Variants in SIK2 observed in about 807,000 individuals in gnomAD.
SIK2 encodes serine/threonine-protein kinase SIK2.
SIK2 carries 29 observed loss-of-function variants against 103.2 expected under a neutral mutation model. That is an observed-to-expected ratio of 0.28 (90% confidence interval 0.21 to 0.38). The LOEUF (loss-of-function observed/expected upper bound fraction) is 0.38, where lower values mean the gene tolerates loss of function less well. SIK2 is among the 10% of genes least tolerant of loss of function. The pLI is 1.00. For missense variants in SIK2, 879 were observed against 1,171.0 expected, an observed-to-expected ratio of 0.75 and a Z score of 3.64; for synonymous variants, 412 against 446.1, an observed-to-expected ratio of 0.92 and a Z score of 0.96.
In SIK2 at chr11:111,730,474, T is replaced by C. The variant is rs1402390825; in HGVS notation, c.*6345T>C. 1 of 152,252 alleles carries C rather than the reference T, an allele frequency of 6.6e-6. No individual in the cohort carries two copies. The highest frequency in any genetic ancestry group is 1.5e-5 in the Non-Finnish European group (1 of 68,046). 9.4% of individuals were successfully genotyped at this position (152,252 alleles called of 1,614,324 possible). ...GGGATACAGAGATATCTGCACTTTG[T>C]AGAAAGGGCAAGATTATTTGCTTAT... On this transcript the variant is annotated 3_prime_UTR_variant, in exon 15 of 15. Coordinates refer to ENST00000304987, the MANE Select transcript of SIK2 (RefSeq NM_015191.3).
intron 2 of SIK2, among the ~76,000 whole-genome samples, chr11:111,616,710 G>C (rs574585125): frequency 6.6e-6 from 1 of 152,038 alleles, no homozygotes; most frequent in Non-Finnish European, 1.5e-5. Flanking sequence ...GCCTGGTGTG[G>C]TGGTGCACAT....
At chr11:111,607,055 A>T (rs947702951) in intron 1 of SIK2, among the ~76,000 whole-genome samples, 2 of 152,176 alleles carry the variant, frequency 1.3e-5, no homozygotes, top group Non-Finnish European at 2.9e-5. Context: ...TTTCTATAAT[A>T]GATAACTTGA....
intron 8 of SIK2, among the ~76,000 whole-genome samples, chr11:111,710,918 A>G (rs1195470501): frequency 6.6e-6 from 1 of 152,226 alleles, no homozygotes; most frequent in African/African-American, 2.4e-5. Flanking sequence ...ATAGCCGGAA[A>G]AATACAGGCT....
chr11:111,615,412 T>G (rs1784788), intron 1 of SIK2, among the ~76,000 whole-genome samples: 90,191 of 151,712 alleles, frequency 0.59, 29,940 homozygotes, highest in East Asian at 0.96. Context: ...GATAATTAAA[T>G]TGGGGTGATT....
At position 111,723,641 on chromosome 11, in the gene SIK2, G is replaced by T. The variant is rs767136609; in HGVS notation, c.2293G>T (p.Ala765Ser). Residue 765 changes from alanine to serine, a missense_variant, in exon 15 of 15, where the codon GCC (alanine) becomes TCC (serine). Physicochemically the swap from Ala to Ser is moderately conservative, Grantham distance 99 (BLOSUM62 1). Transcript: ENST00000304987. The part of the protein sequence containing the change: ...RQETPPPSQQ[A>S]PPFSLTQPLS... ...GGAGACTCCACCGCCTTCTCAGCAG[G>T]CCCCACCGTTCAGCCTGACCCAGCC... The T allele has an allele frequency of 6.2e-7, 1 of 1,614,032 alleles. No individual in the cohort carries two copies. Among genetic ancestry groups the T allele is most frequent in the South Asian group, 1.1e-5 (1 of 91,070 alleles).
At chr11:111,711,142 G>A (rs564274763) in intron 8 of SIK2, among the ~76,000 whole-genome samples, 67 of 149,162 alleles carry the variant, frequency 4.5e-4, no homozygotes, top group African/African-American at 1.2e-3. Context: ...TTTTTGAGAC[G>A]GAGTCTTGCT....
intron 4 of SIK2, among the ~76,000 whole-genome samples, chr11:111,692,874 T>C (rs2135904052): frequency 6.6e-6 from 1 of 152,218 alleles, no homozygotes; most frequent in Admixed American, 6.5e-5. Flanking sequence ...ATAAATGAAC[T>C]GCTTTAGCCA....
At position 111,726,967 on chromosome 11, in the gene SIK2, A is replaced by G. The variant is rs544667078; in HGVS notation, c.*2838A>G. On this transcript the variant is annotated 3_prime_UTR_variant, in exon 15 of 15. Transcript: ENST00000304987. ...GTTCTTTTTTTAAATCTGGGGTATT[A>G]GTCTGTGCTTTGGGAGAAATGCACT... is the stretch of plus-strand genomic sequence containing the variant. The G allele has an allele frequency of 6.8e-6, 11 of 1,613,388 alleles. No homozygotes were observed. In the South Asian group the frequency reaches 1.2e-4, roughly 18 times the overall value.
At chr11:111,690,591 C>T (rs1047737965) in intron 4 of SIK2, among the ~76,000 whole-genome samples, 1 of 151,888 alleles carries the variant, frequency 6.6e-6, no homozygotes, top group African/African-American at 2.4e-5. Flanking sequence ...GGTATTTGTC[C>T]TAAGGCTCTC....
rs578126315 is a variant in SIK2 at position 111,605,629 on chromosome 11, A to C, written c.135+2931A>C. ...TTTTCCCAAGTTTGACTCTGAGGCA[A>C]ATTTTAGGGCTTAATCATCTATGTA... is the stretch of plus-strand genomic sequence containing the variant. On this transcript the variant is annotated intron_variant, in intron 1 of 14. Transcript: ENST00000304987. Among the ~76,000 whole-genome samples the C allele has an allele frequency of 2.4e-3, 364 of 152,290 alleles. 1 individual carries two copies. The highest frequency in any genetic ancestry group is 8.4e-3 in the African/African-American group (349 of 41,550).
chr11:111,700,177 G>A (rs1265580196), intron 4 of SIK2, among the ~76,000 whole-genome samples: 2 of 152,196 alleles, frequency 1.3e-5, no homozygotes, highest in Non-Finnish European at 2.9e-5. Context: ...TGCATTCTCT[G>A]TATCAAAACT....
chr11:111,703,835 T>C (rs1943273328), intron 7 of SIK2, among the ~76,000 whole-genome samples: 1 of 152,166 alleles, frequency 6.6e-6, no homozygotes, highest in Non-Finnish European at 1.5e-5. Context: ...CCAGGGGATT[T>C]AGATTGTGAA....
At chr11:111,632,120 T>C (rs1379964809) in intron 3 of SIK2, among the ~76,000 whole-genome samples, 1 of 152,060 alleles carries the variant, frequency 6.6e-6, no homozygotes, top group Admixed American at 6.6e-5. Flanking sequence ...ATGCAGGACA[T>C]AAGGGCCTAA....
intron 9 of SIK2, among the ~76,000 whole-genome samples, chr11:111,714,020 C>T (rs538527665): frequency 1.3e-5 from 2 of 152,060 alleles, no homozygotes; most frequent in Admixed American, 6.6e-5. Flanking sequence ...TAAATCAGAA[C>T]GAGGCAGGGG....
chr11:111,720,542 G>A lies in SIK2; in HGVS notation c.1560G>A (p.Gly520=), dbSNP rs1054329136. Residue 520 remains glycine (G), a synonymous_variant, in exon 11 of 15, where the codon GGG becomes GGA. Transcript: ENST00000304987. ...GTGTGGACTCTGAGTATGATATGGG[G>A]TCTGTTCAGAGGGACCTGAACTTTC... ...LDSVDSEYDM[G]SVQRDLNFLE... 2 of 1,614,040 alleles carry A rather than the reference G, an allele frequency of 1.2e-6. No individual in the cohort carries two copies. Among genetic ancestry groups the A allele is most frequent in the Admixed American group, 1.7e-5 (1 of 60,000 alleles).
rs191817753 is a variant in SIK2, at chr11:111,687,743, C to G, written c.317-258C>G. On this transcript the variant is annotated intron_variant, in intron 3 of 14. Coordinates refer to ENST00000304987, the MANE Select transcript of SIK2 (RefSeq NM_015191.3). Reference sequence around the variant, plus strand: ...GCCTCAGCCTCTCCAGTAGCTAGGACTACAGGCACCCGCCACCATGCCTGG... The same window carrying G: ...GCCTCAGCCTCTCCAGTAGCTAGGAGTACAGGCACCCGCCACCATGCCTGG... Among the ~76,000 whole-genome samples, 512 of 151,758 alleles carry G rather than the reference C, an allele frequency of 3.4e-3. 1 individual carries two copies. Among genetic ancestry groups the G allele is most frequent in the Non-Finnish European group, 5.9e-3 (399 of 67,922 alleles).
chr11:111,706,189 T>A (rs901000821), intron 8 of SIK2, among the ~76,000 whole-genome samples: 4 of 152,230 alleles, frequency 2.6e-5, no homozygotes, highest in African/African-American at 9.7e-5. Flanking sequence ...ATAGTTAATA[T>A]TTGTGAAATA....
At chr11:111,716,850 AC>A (rs1943654877) in intron 9 of SIK2, among the ~76,000 whole-genome samples, 6 of 152,184 alleles carry the variant, frequency 3.9e-5, no homozygotes, top group Non-Finnish European at 8.8e-5. Context: ...CAGACAACCC[AC>A]AGAATGAGAG....
At chr11:111,703,480 C>A in intron 7 of SIK2, 57 bp downstream of exon 7, 1 of 1,488,004 alleles carries the variant, frequency 6.7e-7, no homozygotes, top group Non-Finnish European at 9.3e-7. Flanking sequence ...AAATTTCATG[C>A]TCACACCTGT....
Sources: allele counts gnomAD v4.1 joint callset (sites outside exome capture counted in the v4.1 genomes callset), GRCh38; gene constraint gnomAD v4.1.1; transcripts MANE v1.5; gene names NCBI Gene and HGNC (gene_info 2026-07-23, HGNC 2026-07-21).